Variants in LRP8 observed in about 807,000 individuals in gnomAD.
LRP8 encodes the protein low-density lipoprotein receptor-related protein 8.
In LRP8, 46 loss-of-function variants were observed where a neutral mutation model predicts 111.6. That is an observed-to-expected ratio of 0.41 (90% CI 0.33 to 0.53). LRP8 has a LOEUF of 0.53. Among genes scored for constraint, LRP8 ranks in the 20% least tolerant of loss-of-function variants. The probability of loss-of-function intolerance (pLI) is 0.20; values close to 1 mark genes in which losing one functional copy is unlikely to be tolerated. For synonymous variants in LRP8, 464 were observed against 511.2 expected (o/e 0.91, Z 1.24); for missense variants, 959 against 1,297.4 (o/e 0.74, Z 4.01).
chr1:53,250,922 C>A lies in LRP8; in HGVS notation c.2504-60G>T. The A allele has an allele frequency of 6.9e-7, 1 of 1,447,844 alleles. No homozygotes were observed. The highest frequency in any genetic ancestry group is 9.7e-7 in the Non-Finnish European group (1 of 1,035,018). 89.7% of individuals were successfully genotyped at this position (1,447,844 alleles called of 1,614,324 possible). The stretch of plus-strand genomic sequence containing the variant: ...AGGCTCCAACCCACTGCTCAGACAT[C>A]TGTACAAGGCTTGTCACCACTCCAC... On this transcript the variant is annotated intron_variant, in intron 16 of 18. Transcript: ENST00000306052. The surrounding 1 kb of genome is among the most constrained non-coding windows in gnomAD (Gnocchi z 4.6).
intron 2 of LRP8, among the ~76,000 whole-genome samples, chr1:53,326,364 C>T (rs562536912): frequency 6.6e-6 from 1 of 152,242 alleles, no homozygotes; most frequent in Admixed American, 6.5e-5. Context: ...ATTGGCCGCT[C>T]CGGCCACGGG....
At chr1:53,252,186 CAACAT>C (rs1211953029) in intron 16 of LRP8, among the ~76,000 whole-genome samples, 2 of 151,884 alleles carry the variant, frequency 1.3e-5, no homozygotes, top group Non-Finnish European at 2.9e-5. Flanking sequence ...AATCAAGAAT[CAACAT>C]AAAAGATCAT....
At position 53,249,600 on chromosome 1, in the gene LRP8, C is replaced by T. The variant is rs1645833237; in HGVS notation, c.2677-44G>A. On this transcript the variant is annotated intron_variant, in intron 17 of 18. Transcript: ENST00000306052. This position sits in a 1 kb window ranked among gnomAD's most constrained non-coding sequence, Gnocchi z 4.1. ...TGTGGATGACCTCTGAGGTCACACT[C>T]AGCCCCCTGACTGTGCTGTATAACA... is the stretch of plus-strand genomic sequence containing the variant. 6.5e-7 allele frequency: 1 copy of T among 1,531,980 alleles called. No individual in the cohort carries two copies. Among genetic ancestry groups the T allele is most frequent in the Non-Finnish European group, 8.8e-7 (1 of 1,138,876 alleles). 94.9% of individuals were successfully genotyped at this position (1,531,980 alleles called of 1,614,324 possible).
At chr1:53,291,847 GTATTT>G (rs1405796830) in intron 2 of LRP8, 1 of 152,238 alleles carries the variant, frequency 6.6e-6, no homozygotes, top group Non-Finnish European at 1.5e-5. Context: ...CCTGTGGCCT[GTATTT>G]TGATGACCTC....
At chr1:53,290,672 G>C (rs562773176) in intron 2 of LRP8, among the ~76,000 whole-genome samples, 17 of 152,166 alleles carry the variant, frequency 1.1e-4, no homozygotes, top group Non-Finnish European at 1.9e-4. Flanking sequence ...AGAGTTTCCA[G>C]ATCAATGAGA....
intron 2 of LRP8, among the ~76,000 whole-genome samples, chr1:53,324,597 C>T (rs190643879): frequency 7.2e-4 from 109 of 152,306 alleles, no homozygotes; most frequent in African/African-American, 2.5e-3. Flanking sequence ...CCAAGCTTGA[C>T]GTCATTCACT....
intron 2 of LRP8, among the ~76,000 whole-genome samples, chr1:53,326,567 GC>G (rs1655154186): frequency 6.6e-6 from 1 of 152,242 alleles, no homozygotes. Flanking sequence ...TGCAGGGACT[GC>G]CGCGTCCCCG....
chr1:53,308,022 C>T (rs1261382050), intron 2 of LRP8, among the ~76,000 whole-genome samples: 3 of 152,194 alleles, frequency 2.0e-5, no homozygotes, highest in Non-Finnish European at 4.4e-5. Flanking sequence ...AGACCCCTTC[C>T]CAGCAGCCCT....
chr1:53,291,383 G>C (rs1283382050), intron 2 of LRP8, among the ~76,000 whole-genome samples: 1 of 152,088 alleles, frequency 6.6e-6, no homozygotes, highest in Non-Finnish European at 1.5e-5. Flanking sequence ...CAGGGGCTTA[G>C]AAGTCCCGTG....
In LRP8 at chr1:53,328,006, T is replaced by TG; in HGVS notation, c.-95dup. On this transcript the variant is annotated 5_prime_UTR_variant, in exon 1 of 19. It removes the in-frame stop codon of an upstream open reading frame in the 5' UTR. Coordinates refer to ENST00000306052, the MANE Select transcript of LRP8 (RefSeq NM_004631.5). Reference sequence around the variant, plus strand: ...CGAGTCCTTGCCGCGGCGCCGGGGTTGCCGCTGCCCCCGCCGCCGCCGCCG... The same window carrying TG: ...CGAGTCCTTGCCGCGGCGCCGGGGTTGGCCGCTGCCCCCGCCGCCGCCGCCG... 1 of 792,774 alleles carries TG rather than the reference T, an allele frequency of 1.3e-6. No individual in the cohort carries two copies. The highest frequency in any genetic ancestry group is 1.5e-6 in the Non-Finnish European group (1 of 657,038). 49.1% of individuals were successfully genotyped at this position (792,774 alleles called of 1,614,324 possible).
chr1:53,318,975 T>C (rs1654149170), intron 2 of LRP8, among the ~76,000 whole-genome samples: 3 of 152,190 alleles, frequency 2.0e-5, no homozygotes, highest in South Asian at 4.1e-4. Context: ...ATGTTTTTCA[T>C]TACAAGTGTA....
Position 53,262,401 on chromosome 1 carries a change from C to T in LRP8, c.1774+45G>A, listed in dbSNP as rs780793213. On this transcript the variant is annotated intron_variant, in intron 11 of 18. Coordinates refer to ENST00000306052, the MANE Select transcript of LRP8 (RefSeq NM_004631.5). This position sits in a 1 kb window ranked among gnomAD's most constrained non-coding sequence, Gnocchi z 4.8. ...ATGGAGTTCCAGACAGTGATCAGGACAAGGCACTAGAATAGGCCCCCAACC... is the reference window on the plus strand; with the variant it reads ...ATGGAGTTCCAGACAGTGATCAGGATAAGGCACTAGAATAGGCCCCCAACC... The T allele has an allele frequency of 6.3e-7, 1 of 1,579,270 alleles. No homozygotes were observed. Among genetic ancestry groups the T allele is most frequent in the East Asian group, 2.2e-5 (1 of 44,726 alleles).
At chr1:53,271,473 A>C in intron 6 of LRP8, 127 bp from the exon 7 acceptor site, 2 of 1,027,138 alleles carry the variant, frequency 1.9e-6, no homozygotes, top group Non-Finnish European at 2.9e-6. Context: ...GGAGGGCTCC[A>C]CAACCTCACT....
chr1:53,270,736 G>A lies in LRP8; in HGVS notation c.1252+292C>T, dbSNP rs1195336255. Among the ~76,000 whole-genome samples the A allele has an allele frequency of 2.0e-5, 3 of 152,214 alleles. No individual in the cohort carries two copies. In the East Asian group the frequency reaches 5.8e-4, roughly 29 times the overall value. On this transcript the variant is annotated intron_variant, in intron 8 of 18. Coordinates refer to ENST00000306052, the MANE Select transcript of LRP8 (RefSeq NM_004631.5). The stretch of plus-strand genomic sequence containing the variant: ...TCTGCGTCACCTTTCAGAGTGCACT[G>A]TCCCTTTAAAGAAACACAGCTATTG...
intron 2 of LRP8, among the ~76,000 whole-genome samples, chr1:53,322,803 C>G (rs749151125): frequency 6.6e-6 from 1 of 152,150 alleles, no homozygotes. Flanking sequence ...CGGGCTACAG[C>G]ACAGGCAGGG....
At chr1:53,310,168 C>T (rs1422928549) in intron 2 of LRP8, among the ~76,000 whole-genome samples, 1 of 151,646 alleles carries the variant, frequency 6.6e-6, no homozygotes, top group Non-Finnish European at 1.5e-5. Context: ...GTCAGGGATC[C>T]ATTTGGAGAC....
intron 2 of LRP8, chr1:53,292,182 C>T (rs1317736412): frequency 6.6e-6 from 1 of 152,262 alleles, no homozygotes; most frequent in Non-Finnish European, 1.5e-5. Context: ...GACTGTGTCT[C>T]TGAATCTGTT....
At chr1:53,311,796 T>C (rs1025180967) in intron 2 of LRP8, among the ~76,000 whole-genome samples, 2 of 152,184 alleles carry the variant, frequency 1.3e-5, no homozygotes, top group Non-Finnish European at 1.5e-5. Context: ...CAGCCACCCA[T>C]GTGGCTTCCC....
intron 15 of LRP8, among the ~76,000 whole-genome samples, chr1:53,256,912 G>A (rs765254172): frequency 6.6e-6 from 1 of 152,224 alleles, no homozygotes; most frequent in Admixed American, 6.5e-5. Context: ...GGCTGTGTGC[G>A]TGAGCACCTC....
Sources: gnomAD v4.1 joint callset for allele counts (sites outside exome capture counted in the v4.1 genomes callset) on GRCh38, gnomAD v4.1.1 for gene constraint, Gnocchi (gnomAD v3.1) non-coding constraint, MANE v1.5 for transcripts, NCBI Gene and HGNC (gene_info 2026-07-23, HGNC 2026-07-21) for gene names.